CPNE8: variants seen among roughly 807,000 people sequenced by gnomAD.
CPNE8 encodes the protein copine-8.
CPNE8 carries 45 observed loss-of-function variants against 81.5 expected under a neutral mutation model. That is an observed-to-expected ratio of 0.55 (90% confidence interval 0.44 to 0.71). CPNE8 has a LOEUF of 0.71. Ranked by LOEUF, CPNE8 falls within the 30% of genes least tolerant of loss-of-function variation. CPNE8 has a pLI of 0.00. For missense variants in CPNE8, 594 were observed against 672.1 expected (o/e 0.88, Z 1.28); for synonymous variants, 252 against 226.3 (o/e 1.11, Z -1.02).
chr12:38,769,108 C>T (rs1307262537), intron 7 of CPNE8, among the ~76,000 whole-genome samples: 1 of 152,080 alleles, frequency 6.6e-6, no homozygotes, highest in Non-Finnish European at 1.5e-5. Flanking sequence ...AAACATTTAG[C>T]AAGCAATAGT....
rs74784787 is a variant in CPNE8 at position 38,728,581 on chromosome 12, A to T, written c.798+1702T>A. Among the ~76,000 whole-genome samples the T allele has an allele frequency of 4.9e-3, 749 of 152,204 alleles. 8 individuals are homozygous for T. Among genetic ancestry groups the T allele is most frequent in the African/African-American group, 0.018 (729 of 41,532 alleles). On this transcript the variant is annotated intron_variant, in intron 11 of 19. Transcript: ENST00000331366. ...AAGAAAAACAAAACAAAACAAACAA[A>T]CAAACAAAAACAAAAAAACAGAGCC...
intron 10 of CPNE8, among the ~76,000 whole-genome samples, chr12:38,734,086 T>C (rs1470022516): frequency 6.6e-6 from 1 of 151,968 alleles, no homozygotes; most frequent in Non-Finnish European, 1.5e-5. Context: ...ACAGTTCCTA[T>C]ATTATATTAA....
chr12:38,884,778 G>T lies in CPNE8; in HGVS notation c.99-10267C>A, dbSNP rs1178427395. Among the ~76,000 whole-genome samples the T allele has an allele frequency of 7.9e-5, 12 of 152,066 alleles. No individual in the cohort carries two copies. The East Asian group carries it at 1.4e-3, about 17-fold the overall frequency. On this transcript the variant is annotated intron_variant, in intron 1 of 19. Transcript: ENST00000331366. ...GATCACCACACGTTTTATCAGTTTG[G>T]TTTTTTTAAGCCTAACATCCATTGT... is the stretch of plus-strand genomic sequence containing the variant.
intron 6 of CPNE8, among the ~76,000 whole-genome samples, chr12:38,806,150 T>C (rs1942796174): frequency 1.3e-5 from 2 of 150,178 alleles, no homozygotes; most frequent in Non-Finnish European, 1.5e-5. Flanking sequence ...CCAGATGGAT[T>C]CACAGCTGAA....
intron 1 of CPNE8, among the ~76,000 whole-genome samples, chr12:38,887,286 C>G (rs1944249907): frequency 6.6e-6 from 1 of 152,096 alleles, no homozygotes; most frequent in African/African-American, 2.4e-5. Context: ...GCTCTCCAGG[C>G]AGGGGGTACT....
intron 6 of CPNE8, among the ~76,000 whole-genome samples, chr12:38,799,791 T>C (rs960333329): frequency 1.4e-5 from 2 of 140,760 alleles, no homozygotes; most frequent in African/African-American, 4.9e-5. Context: ...CGCAGGCCAG[T>C]GTGTGCGCGC....
intron 6 of CPNE8, among the ~76,000 whole-genome samples, chr12:38,796,699 A>C (rs1364553218): frequency 6.6e-6 from 1 of 152,134 alleles, no homozygotes; most frequent in African/African-American, 2.4e-5. Flanking sequence ...TGGGCGCAGG[A>C]CAGTGGGTGG....
At chr12:38,774,644 A>C (rs1941885594) in intron 7 of CPNE8, among the ~76,000 whole-genome samples, 1 of 151,990 alleles carries the variant, frequency 6.6e-6, no homozygotes, top group African/African-American at 2.4e-5. Flanking sequence ...TGATTAGTTC[A>C]CATTTTTTGG....
intron 6 of CPNE8, among the ~76,000 whole-genome samples, chr12:38,817,899 G>A (rs547801138): frequency 6.6e-6 from 1 of 152,070 alleles, no homozygotes; most frequent in Middle Eastern, 3.4e-3. Flanking sequence ...CTGGGATTAC[G>A]GGCGTGAGCC....
intron 19 of CPNE8, among the ~76,000 whole-genome samples, chr12:38,662,910 A>G (rs1448840904): frequency 6.6e-6 from 1 of 152,186 alleles, no homozygotes; most frequent in African/African-American, 2.4e-5. Flanking sequence ...TTTTCATTAA[A>G]TGGTGCTGGG....
At chr12:38,712,943 G>A (rs925465514) in intron 13 of CPNE8, among the ~76,000 whole-genome samples, 2 of 151,970 alleles carry the variant, frequency 1.3e-5, no homozygotes, top group African/African-American at 2.4e-5. Flanking sequence ...GAGCTTAGAC[G>A]TATTAGAACT....
rs1303041001 is a variant in CPNE8 at position 38,690,939 on chromosome 12, T to A, written c.1143+2718A>T. On this transcript the variant is annotated intron_variant, in intron 15 of 19. Coordinates refer to ENST00000331366, the MANE Select transcript of CPNE8 (RefSeq NM_153634.3). ...ATACTCATTTTTATGACACTGGGAG[T>A]GTGGCATGTGGGCTATTTCATGGAA... Among the ~76,000 whole-genome samples the A allele has an allele frequency of 3.9e-5, 6 of 152,040 alleles. No homozygotes were observed. The East Asian group carries it at 1.2e-3, about 29-fold the overall frequency.
intron 16 of CPNE8, among the ~76,000 whole-genome samples, chr12:38,680,319 A>G (rs546915958): frequency 8.6e-5 from 13 of 152,026 alleles, no homozygotes; most frequent in Non-Finnish European, 1.6e-4. Context: ...TTCAATTATG[A>G]TTTGCAAAAT....
chr12:38,763,484 T>C (rs898865800), intron 8 of CPNE8, among the ~76,000 whole-genome samples: 11 of 152,220 alleles, frequency 7.2e-5, no homozygotes, highest in African/African-American at 2.7e-4. Flanking sequence ...CATGAATCTA[T>C]AGAAAGACCA....
At chr12:38,791,748 A>G (rs1942328477) in intron 6 of CPNE8, among the ~76,000 whole-genome samples, 1 of 151,786 alleles carries the variant, frequency 6.6e-6, no homozygotes, top group South Asian at 2.1e-4. Context: ...CTTAAAAGAC[A>G]TACAGAATAT....
At chr12:38,688,221 C>T (rs527426925) in intron 15 of CPNE8, among the ~76,000 whole-genome samples, 1 of 152,184 alleles carries the variant, frequency 6.6e-6, no homozygotes, top group South Asian at 2.1e-4. Flanking sequence ...ACAAGGTCAC[C>T]ATTTTTCTCT....
intron 16 of CPNE8, 70 bp downstream of exon 16, chr12:38,685,418 GCT>G: frequency 6.7e-7 from 1 of 1,498,458 alleles, no homozygotes; most frequent in Non-Finnish European, 9.0e-7. Context: ...GTGGAGTCAT[GCT>G]AGCAACAATG....
intron 6 of CPNE8, among the ~76,000 whole-genome samples, chr12:38,790,034 G>A (rs1343490728): frequency 6.6e-6 from 1 of 151,632 alleles, no homozygotes. Context: ...AGAACACTTT[G>A]GGGATTACTC....
chr12:38,710,357 A>G (rs1157864499), intron 13 of CPNE8, among the ~76,000 whole-genome samples: 1 of 149,936 alleles, frequency 6.7e-6, no homozygotes, highest in Non-Finnish European at 1.5e-5. Flanking sequence ...GGTGCCAGAG[A>G]GGTAATGCCT....
Sources: gnomAD v4.1 joint callset for allele counts (sites outside exome capture counted in the v4.1 genomes callset) on GRCh38, gnomAD v4.1.1 for gene constraint, MANE v1.5 for transcripts, NCBI Gene and HGNC (gene_info 2026-07-23, HGNC 2026-07-21) for gene names.